FOXP1: variants seen among roughly 807,000 people sequenced by gnomAD.
FOXP1 encodes forkhead box protein P1.
Under a neutral mutation model 98.2 loss-of-function variants are expected in FOXP1, and 15 were observed. The ratio of observed to expected loss-of-function variants is 0.15; its 90% CI spans 0.10 to 0.24. The LOEUF (loss-of-function observed/expected upper bound fraction) is 0.24, where lower values mean the gene tolerates loss of function less well. Among genes scored for constraint, FOXP1 ranks in the 10% least tolerant of loss-of-function variants. The pLI is 1.00. For missense variants in FOXP1, 633 were observed against 848.5 expected, an observed-to-expected ratio of 0.75 and a Z score of 3.15; for synonymous variants, 371 against 314.5, an observed-to-expected ratio of 1.18 and a Z score of -1.90.
chr3:71,465,604 T>C lies in FOXP1; in HGVS notation c.-168+27822A>G, dbSNP rs61143251. Among the ~76,000 whole-genome samples the C allele has an allele frequency of 4.2e-3, 635 of 152,308 alleles. 6 individuals carry two copies. The highest frequency in any genetic ancestry group is 0.014 in the African/African-American group (596 of 41,568). On this transcript the variant is annotated intron_variant, in intron 3 of 20. Coordinates refer to ENST00000649528, the MANE Select transcript of FOXP1 (RefSeq NM_001349338.3). ...TGAAACCTCACGTTTATTCATGCAA[T>C]GCTCCACAAGGGCAGGGTCCGTGCT...
At chr3:71,576,569 C>T (rs1449943868) in intron 2 of FOXP1, among the ~76,000 whole-genome samples, 2 of 152,048 alleles carry the variant, frequency 1.3e-5, no homozygotes, top group East Asian at 3.9e-4. Context: ...TTGTCAGAAT[C>T]GAATATAAAT....
intron 3 of FOXP1, among the ~76,000 whole-genome samples, chr3:71,490,899 G>A (rs2091013743): frequency 6.6e-6 from 1 of 152,186 alleles, no homozygotes; most frequent in African/African-American, 2.4e-5. Flanking sequence ...ACCTGAGTTT[G>A]TTGTTATTTC....
intron 3 of FOXP1, among the ~76,000 whole-genome samples, chr3:71,397,165 A>T (rs2081590274): frequency 6.9e-6 from 1 of 144,832 alleles, no homozygotes; most frequent in Admixed American, 7.1e-5. Flanking sequence ...CAGGGTTGGA[A>T]GCACGTGTAC....
intron 2 of FOXP1, among the ~76,000 whole-genome samples, chr3:71,546,130 C>T (rs1444284682): frequency 1.3e-5 from 2 of 152,144 alleles, no homozygotes; most frequent in African/African-American, 4.8e-5. Flanking sequence ...CACCTTCCCC[C>T]ACCCACCTCC....
chr3:71,394,480 T>C (rs1007578153), intron 3 of FOXP1, among the ~76,000 whole-genome samples: 10 of 152,156 alleles, frequency 6.6e-5, no homozygotes, highest in Non-Finnish European at 1.3e-4. Context: ...CACCATGAAT[T>C]TGTCTGCTAG....
At chr3:71,083,198 G>A (rs1341261677) in intron 7 of FOXP1, among the ~76,000 whole-genome samples, 2 of 152,090 alleles carry the variant, frequency 1.3e-5, no homozygotes, top group Admixed American at 6.5e-5. Context: ...TGCTGTCCTC[G>A]TGACAGTGAG....
intron 3 of FOXP1, among the ~76,000 whole-genome samples, chr3:71,424,977 C>T (rs1039276025): frequency 6.6e-6 from 1 of 152,172 alleles, no homozygotes; most frequent in Non-Finnish European, 1.5e-5. Flanking sequence ...AGTTGCCATA[C>T]TCTCAGTGTT....
At chr3:71,226,525 G>A (rs561382748) in intron 5 of FOXP1, among the ~76,000 whole-genome samples, 1 of 151,486 alleles carries the variant, frequency 6.6e-6, no homozygotes, top group East Asian at 1.9e-4. Context: ...GTCTACTCTG[G>A]GGGTCCCTAT....
intron 6 of FOXP1, among the ~76,000 whole-genome samples, chr3:71,150,720 C>G (rs561678456): frequency 1.3e-5 from 2 of 152,242 alleles, no homozygotes; most frequent in Admixed American, 1.3e-4. Context: ...AAATGCAGAA[C>G]TGTCACATGC....
At chr3:71,062,606 T>C (rs1481756267) in intron 7 of FOXP1, among the ~76,000 whole-genome samples, 2 of 152,178 alleles carry the variant, frequency 1.3e-5, no homozygotes, top group Admixed American at 6.5e-5. Flanking sequence ...TGCTTACAAG[T>C]TTCCTTTAAT....
chr3:71,248,860 C>A (rs1560184086), intron 5 of FOXP1, among the ~76,000 whole-genome samples: 1 of 152,124 alleles, frequency 6.6e-6, no homozygotes, highest in Non-Finnish European at 1.5e-5. Context: ...AGGGGAATGG[C>A]CAGCTGGTTC....
intron 19 of FOXP1, chr3:70,968,224 T>C (rs565408124): frequency 1.5e-4 from 22 of 150,772 alleles, no homozygotes; most frequent in African/African-American, 5.2e-4. Flanking sequence ...CTTGAAAAAA[T>C]GATCAAATGG....
chr3:71,152,549 A>G (rs1280471719), intron 6 of FOXP1, among the ~76,000 whole-genome samples: 1 of 152,132 alleles, frequency 6.6e-6, no homozygotes, highest in Non-Finnish European at 1.5e-5. Context: ...CGCTTTGTGG[A>G]GGAGGCCCCC....
At chr3:71,195,324 T>C (rs1356899786) in intron 6 of FOXP1, among the ~76,000 whole-genome samples, 2 of 152,244 alleles carry the variant, frequency 1.3e-5, no homozygotes, top group African/African-American at 4.8e-5. Flanking sequence ...CTGTAATTTG[T>C]AATTATCTTT....
chr3:71,024,410 G>A (rs1195339683), intron 11 of FOXP1, among the ~76,000 whole-genome samples: 2 of 152,134 alleles, frequency 1.3e-5, no homozygotes, highest in Non-Finnish European at 1.5e-5. Flanking sequence ...TTATTAATCA[G>A]TTTTCCAAAA....
intron 11 of FOXP1, among the ~76,000 whole-genome samples, chr3:71,033,916 C>A (rs1421507034): frequency 6.6e-6 from 1 of 152,146 alleles, no homozygotes; most frequent in Non-Finnish European, 1.5e-5. Flanking sequence ...ACAGCTTTTG[C>A]CCTAAGTAGG....
rs531072934 is a variant in FOXP1 at position 71,498,916 on chromosome 3, C to G, written c.-297-5361G>C. Among the ~76,000 whole-genome samples, 7 of 152,310 alleles carry G rather than the reference C, an allele frequency of 4.6e-5. No individual in the cohort carries two copies. The South Asian group carries it at 1.2e-3, about 27-fold the overall frequency. ...AGAACCAGTGCTCTAAAGCTAGAGG[C>G]TCTATCCCCACCCTGAAGATCTAGG... On this transcript the variant is annotated intron_variant, in intron 2 of 20. Transcript: ENST00000649528.
At chr3:71,171,861 G>A (rs556273168) in intron 6 of FOXP1, among the ~76,000 whole-genome samples, 11 of 152,324 alleles carry the variant, frequency 7.2e-5, no homozygotes, top group Middle Eastern at 3.4e-3. Flanking sequence ...CGTGTGTCTG[G>A]TGATGGGACC....
intron 6 of FOXP1, among the ~76,000 whole-genome samples, chr3:71,146,461 TG>T (rs1371147857): frequency 6.6e-6 from 1 of 151,878 alleles, no homozygotes; most frequent in Non-Finnish European, 1.5e-5. Flanking sequence ...CTCCTGAGAT[TG>T]GGGGAAGTTA....
Sources: gnomAD v4.1 joint callset for allele counts (sites outside exome capture counted in the v4.1 genomes callset) on GRCh38, gnomAD v4.1.1 for gene constraint, MANE v1.5 for transcripts, NCBI Gene and HGNC (gene_info 2026-07-23, HGNC 2026-07-21) for gene names.